The following ARSG variants were observed in gnomAD, a reference collection of about 807,000 sequenced individuals.
ARSG encodes the protein arylsulfatase G.
A neutral mutation model predicts 50.5 loss-of-function variants in ARSG; 37 were observed. The ratio of observed to expected loss-of-function variants is 0.73; its 90% CI spans 0.56 to 0.96. The LOEUF (loss-of-function observed/expected upper bound fraction) is 0.96. ARSG is among the 50% of genes least tolerant of loss of function. ARSG has a pLI of 0.00. For missense variants in ARSG, 629 were observed against 675.3 expected, an observed-to-expected ratio of 0.93 and a Z score of 0.76; for synonymous variants, 225 against 254.6, an observed-to-expected ratio of 0.88 and a Z score of 1.11.
downstream of ARSG, chr17:68,422,079 A>G (rs2082821995): frequency 8.7e-6 from 4 of 458,372 alleles, no homozygotes; most frequent in East Asian, 7.2e-5. Flanking sequence ...GTATATGTAT[A>G]TATTTTTAAA....
Position 68,343,708 on chromosome 17 carries a change from TCA to T in ARSG, c.325_326del (p.Thr109PhefsTer45). ...AATGGAGTCACACGCAACTTTGCAGTCACTTCTGTGGGAGGCCTTCCGCTCAA... is the reference window on the plus strand; with the variant it reads ...AATGGAGTCACACGCAACTTTGCAGTCTTCTGTGGGAGGCCTTCCGCTCAA... On this transcript the variant is annotated frameshift_variant, in exon 3 of 12. Coordinates refer to ENST00000621439, the MANE Select transcript of ARSG (RefSeq NM_001267727.2). LOFTEE classifies it high-confidence loss of function. 6.2e-7 allele frequency: 1 copy of T among 1,614,232 alleles called. No individual in the cohort carries two copies. Among genetic ancestry groups the T allele is most frequent in the Non-Finnish European group, 8.5e-7 (1 of 1,180,042 alleles).
chr17:68,391,386 G>A (rs1281802565), intron 9 of ARSG, among the ~76,000 whole-genome samples: 1 of 152,164 alleles, frequency 6.6e-6, no homozygotes, highest in African/African-American at 2.4e-5. Context: ...CTTTTCTCAT[G>A]GGCGAGAGGC....
At chr17:68,333,486 A>G (rs1300011005) in intron 2 of ARSG, among the ~76,000 whole-genome samples, 1 of 149,720 alleles carries the variant, frequency 6.7e-6, no homozygotes, top group African/African-American at 2.5e-5. Flanking sequence ...AAATTAGCCG[A>G]GCATGGTGGT....
At chr17:68,342,156 A>G (rs1256301121) in intron 2 of ARSG, among the ~76,000 whole-genome samples, 2 of 152,020 alleles carry the variant, frequency 1.3e-5, no homozygotes, top group African/African-American at 4.8e-5. Context: ...GTTATGTTCT[A>G]TCAAGCCACC....
chr17:68,429,883 C>T, the ARSG span: 2 of 1,516,638 alleles, frequency 1.3e-6, no homozygotes, highest in Non-Finnish European at 1.8e-6. Flanking sequence ...GCCACCGTGC[C>T]CAGCCTGGGG....
At chr17:68,441,092 C>T in the ARSG span, 1 of 152,220 alleles carries the variant, frequency 6.6e-6, no homozygotes, top group African/African-American at 2.4e-5. Flanking sequence ...AGGTGGTCAG[C>T]TCTGTGACCA....
intron 8 of ARSG, among the ~76,000 whole-genome samples, chr17:68,376,699 T>A (rs945601688): frequency 3.9e-5 from 6 of 152,080 alleles, no homozygotes; most frequent in East Asian, 3.9e-4. Context: ...AATTTTTTTT[T>A]AAAAGATCCC....
chr17:68,323,408 T>C (rs1477430144), intron 2 of ARSG, among the ~76,000 whole-genome samples: 2 of 151,088 alleles, frequency 1.3e-5, no homozygotes, highest in Non-Finnish European at 2.9e-5. Flanking sequence ...AACCCTCTTA[T>C]TAATTAATTA....
At chr17:68,273,310 G>C (rs1404464122) in intron 1 of ARSG, among the ~76,000 whole-genome samples, 2 of 151,932 alleles carry the variant, frequency 1.3e-5, no homozygotes, top group African/African-American at 2.4e-5. Flanking sequence ...CCAGGCTCAA[G>C]TGATCCTCCC....
chr17:68,302,072 C>T (rs1283497851), intron 1 of ARSG, among the ~76,000 whole-genome samples: 5 of 152,106 alleles, frequency 3.3e-5, no homozygotes, highest in Admixed American at 6.6e-5. Flanking sequence ...GTTTCATTTA[C>T]GGCTGTATGC....
At chr17:68,435,572 A>C in the ARSG span, 2 of 1,577,182 alleles carry the variant, frequency 1.3e-6, no homozygotes, top group Non-Finnish European at 1.7e-6. Flanking sequence ...GCACGGCAGG[A>C]GCCATCCAGC....
intron 2 of ARSG, among the ~76,000 whole-genome samples, chr17:68,327,412 C>G (rs782583053): frequency 6.6e-6 from 1 of 152,164 alleles, no homozygotes; most frequent in Non-Finnish European, 1.5e-5. Context: ...CTCCACAGCG[C>G]TAGGAGAAGT....
intron 2 of ARSG, among the ~76,000 whole-genome samples, chr17:68,330,824 G>C (rs1302315438): frequency 1.3e-5 from 2 of 152,180 alleles, no homozygotes; most frequent in East Asian, 3.8e-4. Context: ...AGCTTTAGGG[G>C]CACTGTGGCC....
intron 8 of ARSG, among the ~76,000 whole-genome samples, chr17:68,379,421 A>ATTTTTTTTTTTTTTTTT (rs375841879): frequency 4.2e-5 from 3 of 72,268 alleles, no homozygotes; most frequent in African/African-American, 1.9e-4. Context: ...GAACACTACA[A>ATTTTTTTTTTTTTTTTT]TTTTTTTTTT....
At chr17:68,323,436 G>T (rs2145883913) in intron 2 of ARSG, among the ~76,000 whole-genome samples, 1 of 152,246 alleles carries the variant, frequency 6.6e-6, no homozygotes, top group Middle Eastern at 3.4e-3. Context: ...TTATTGTAAA[G>T]ATGGGCTCTT....
At chr17:68,427,350 C>T, downstream of ARSG, 2 of 899,998 alleles carry the variant, frequency 2.2e-6, no homozygotes, top group East Asian at 2.5e-5. Context: ...CTGTGCTCAG[C>T]TCTGTGGGTT....
rs201054267 is a variant in ARSG, at chr17:68,298,905, GAGTT to G, written c.-552+7340_-552+7343del. Among the ~76,000 whole-genome samples, 380 of 152,144 alleles carry G rather than the reference GAGTT, an allele frequency of 2.5e-3. 4 individuals are homozygous for G. Among genetic ancestry groups the G allele is most frequent in the Middle Eastern group, 0.017 (5 of 294 alleles). ...CTATCTTCAAATATCATCACACTGA[GAGTT>G]AGGGCTTCAACATACAAATTTTGGG... On this transcript the variant is annotated intron_variant, in intron 1 of 11. Coordinates refer to ENST00000621439, the MANE Select transcript of ARSG (RefSeq NM_001267727.2).
downstream of ARSG, chr17:68,421,929 C>A: frequency 1.4e-6 from 2 of 1,446,520 alleles, no homozygotes; most frequent in Non-Finnish European, 1.9e-6. Context: ...AGAGGCTGGG[C>A]ACTGTGGAAT....
chr17:68,375,043 C>G (rs887883313), intron 8 of ARSG, among the ~76,000 whole-genome samples: 1 of 152,072 alleles, frequency 6.6e-6, no homozygotes, highest in African/African-American at 2.4e-5. Context: ...CCACAAAGAT[C>G]AACAAAGCCC....
Sources: allele counts gnomAD v4.1 joint callset (sites outside exome capture counted in the v4.1 genomes callset), GRCh38; gene constraint gnomAD v4.1.1; transcripts MANE v1.5; gene names NCBI Gene and HGNC (gene_info 2026-07-23, HGNC 2026-07-21).